Variants in TMEM132C observed in about 807,000 individuals in gnomAD.
TMEM132C encodes the protein protein phosphatase 1, regulatory subunit 152.
A neutral mutation model predicts 61.4 loss-of-function variants in TMEM132C; 29 were observed. The ratio of observed to expected loss-of-function variants is 0.47; its 90% CI spans 0.35 to 0.64. The LOEUF (loss-of-function observed/expected upper bound fraction) is 0.64, where lower values mean the gene tolerates loss of function less well. TMEM132C is among the 30% of genes least tolerant of loss of function. The pLI, the probability that TMEM132C is intolerant of heterozygous loss-of-function variation, is 0.00. For synonymous variants in TMEM132C, 656 were observed against 633.1 expected (o/e 1.04, Z -0.54); for missense variants, 1,408 against 1,476.9 (o/e 0.95, Z 0.76).
At chr12:128,378,716 C>T (rs1012739757) in intron 1 of TMEM132C, among the ~76,000 whole-genome samples, 2 of 152,124 alleles carry the variant, frequency 1.3e-5, no homozygotes, top group African/African-American at 4.8e-5. Context: ...ACGGGGCTCT[C>T]CTCTGCTCGG....
intron 1 of TMEM132C, among the ~76,000 whole-genome samples, chr12:128,337,010 A>G (rs758782323): frequency 7.2e-5 from 11 of 152,180 alleles, no homozygotes; most frequent in Non-Finnish European, 1.5e-4. Flanking sequence ...GGCATGACAA[A>G]CTTAAGTCTA....
chr12:128,406,790 C>T (rs1593042244), intron 1 of TMEM132C, among the ~76,000 whole-genome samples: 1 of 152,196 alleles, frequency 6.6e-6, no homozygotes, highest in Non-Finnish European at 1.5e-5. Flanking sequence ...AATGAACGCT[C>T]ATGCACTTGG....
intron 8 of TMEM132C, among the ~76,000 whole-genome samples, chr12:128,699,398 G>C (rs1157893228): frequency 6.6e-6 from 1 of 152,180 alleles, no homozygotes; most frequent in Non-Finnish European, 1.5e-5. Flanking sequence ...TCTGCTTCTA[G>C]AATTATTTGG....
At chr12:128,663,775 A>G (rs529697265) in intron 4 of TMEM132C, among the ~76,000 whole-genome samples, 4 of 151,956 alleles carry the variant, frequency 2.6e-5, no homozygotes, top group Admixed American at 2.0e-4. Context: ...TGCCACATCA[A>G]TATCATGCAC....
chr12:128,567,764 A>G (rs7956276), intron 3 of TMEM132C, among the ~76,000 whole-genome samples: 1,637 of 152,308 alleles, frequency 0.011, 29 homozygotes, highest in African/African-American at 0.037. Context: ...CGAGTCCAGC[A>G]GGGCAGAAAG....
intron 1 of TMEM132C, among the ~76,000 whole-genome samples, chr12:128,370,613 A>G (rs1360901084): frequency 6.6e-6 from 1 of 151,850 alleles, no homozygotes; most frequent in East Asian, 2.0e-4. Context: ...CAGCACCAAG[A>G]AAAGGGGGAA....
chr12:128,330,001 C>T (rs1330365142), intron 1 of TMEM132C, among the ~76,000 whole-genome samples: 3 of 152,248 alleles, frequency 2.0e-5, no homozygotes, highest in South Asian at 2.1e-4. Flanking sequence ...CCCTATGGCA[C>T]GAAGCGCTCT....
chr12:128,465,590 C>A (rs749680095), intron 2 of TMEM132C, among the ~76,000 whole-genome samples: 2 of 152,222 alleles, frequency 1.3e-5, no homozygotes, highest in Non-Finnish European at 2.9e-5. Flanking sequence ...CCAGGTGACA[C>A]CAGGACAATC....
At chr12:128,384,080 A>G (rs1874500639) in intron 1 of TMEM132C, among the ~76,000 whole-genome samples, 1 of 152,212 alleles carries the variant, frequency 6.6e-6, no homozygotes, top group African/African-American at 2.4e-5. Context: ...CAAATCCTAC[A>G]AAACAAAAAG....
intron 1 of TMEM132C, among the ~76,000 whole-genome samples, chr12:128,296,952 T>G (rs1871432653): frequency 6.6e-6 from 1 of 152,222 alleles, no homozygotes; most frequent in South Asian, 2.1e-4. Flanking sequence ...CTTCCCAAAC[T>G]GCATATTTCA....
intron 1 of TMEM132C, among the ~76,000 whole-genome samples, chr12:128,324,461 C>T (rs1029170444): frequency 3.3e-5 from 5 of 152,194 alleles, no homozygotes; most frequent in Admixed American, 2.6e-4. Flanking sequence ...GTATCACATC[C>T]GTGTATGTCT....
rs915800884 is a variant in TMEM132C, at chr12:128,270,645, C to T, written c.85+3158C>T. Among the ~76,000 whole-genome samples the T allele has an allele frequency of 2.6e-5, 4 of 152,322 alleles. No individual in the cohort carries two copies. The South Asian group carries it at 8.3e-4, about 32-fold the overall frequency. On this transcript the variant is annotated intron_variant, in intron 1 of 8. Coordinates refer to ENST00000435159, the MANE Select transcript of TMEM132C (RefSeq NM_001136103.3). ...TCTCAACTCACCCGCATTCGTGCTG[C>T]CACCAACGAATGATGCTCTTGTCTT...
intron 1 of TMEM132C, among the ~76,000 whole-genome samples, chr12:128,350,305 G>A (rs1277868536): frequency 2.0e-5 from 3 of 152,136 alleles, no homozygotes; most frequent in Non-Finnish European, 4.4e-5. Flanking sequence ...GGACTAGATG[G>A]CAAGTTAGAG....
At chr12:128,699,286 A>G (rs1756651342) in intron 8 of TMEM132C, among the ~76,000 whole-genome samples, 1 of 152,198 alleles carries the variant, frequency 6.6e-6, no homozygotes, top group South Asian at 2.1e-4. Flanking sequence ...ATTGGCTCAC[A>G]GTGCGGTGGG....
Position 128,267,380 on chromosome 12 carries a change from T to C in TMEM132C, c.-23T>C. ...GCTGCGCTTCGGGCTGGCGGCGGGCTGCGTGAGCGGCCGGGACGCAGGATG... is the reference window on the plus strand; with the variant it reads ...GCTGCGCTTCGGGCTGGCGGCGGGCCGCGTGAGCGGCCGGGACGCAGGATG... On this transcript the variant is annotated 5_prime_UTR_variant, in exon 1 of 9. Transcript: ENST00000435159. The C allele has an allele frequency of 9.0e-7, 1 of 1,106,720 alleles. No individual in the cohort carries two copies. The highest frequency in any genetic ancestry group is 1.1e-6 in the Non-Finnish European group (1 of 909,240). 68.6% of individuals were successfully genotyped at this position (1,106,720 alleles called of 1,614,324 possible).
At chr12:128,524,916 A>T (rs2136130520) in intron 2 of TMEM132C, among the ~76,000 whole-genome samples, 1 of 152,322 alleles carries the variant, frequency 6.6e-6, no homozygotes, top group East Asian at 1.9e-4. Flanking sequence ...GAATACGGAA[A>T]TGCCCTCCTC....
intron 2 of TMEM132C, among the ~76,000 whole-genome samples, chr12:128,434,707 A>T (rs1177572178): frequency 6.6e-6 from 1 of 152,106 alleles, no homozygotes; most frequent in African/African-American, 2.4e-5. Flanking sequence ...GGTTCAAGCA[A>T]TTATTCTGCC....
intron 1 of TMEM132C, among the ~76,000 whole-genome samples, chr12:128,411,282 G>T (rs1366771371): frequency 6.6e-6 from 1 of 152,144 alleles, no homozygotes; most frequent in East Asian, 1.9e-4. Flanking sequence ...TGTTACTCAT[G>T]AAACCCTCAC....
At chr12:128,473,399 TTTTCACTCCAGCCTCC>T (rs1871038398) in intron 2 of TMEM132C, among the ~76,000 whole-genome samples, 1 of 151,084 alleles carries the variant, frequency 6.6e-6, no homozygotes, top group Non-Finnish European at 1.5e-5. Context: ...TCCATCTTCA[TTTTCACTCCAGCCTCC>T]ATCTTCATCT....
Sources: gnomAD v4.1 joint callset for allele counts (sites outside exome capture counted in the v4.1 genomes callset) on GRCh38, gnomAD v4.1.1 for gene constraint, MANE v1.5 for transcripts, NCBI Gene and HGNC (gene_info 2026-07-23, HGNC 2026-07-21) for gene names.